The following SNTG1 variants were observed in gnomAD, a reference collection of about 807,000 sequenced individuals.
SNTG1 encodes syntrophin gamma 1.
A neutral mutation model predicts 74.7 loss-of-function variants in SNTG1; 39 were observed. That is an observed-to-expected ratio of 0.52 (90% confidence interval 0.40 to 0.68). The LOEUF is 0.68. Ranked by LOEUF, SNTG1 falls within the 30% of genes least tolerant of loss-of-function variation. The pLI, the probability that SNTG1 is intolerant of heterozygous loss-of-function variation, is 0.00. For missense variants in SNTG1, 685 were observed against 609.5 expected (o/e 1.12, Z -1.30); for synonymous variants, 254 against 217.1 (o/e 1.17, Z -1.49).
Position 50,727,605 on chromosome 8 carries a change from G to T in SNTG1, c.1284+18627G>T, listed in dbSNP as rs117987495. 3.8e-3 allele frequency among the ~76,000 whole-genome samples: 572 copies of T among 152,270 alleles called. 2 individuals are homozygous for T. Among genetic ancestry groups the T allele is most frequent in the Non-Finnish European group, 6.8e-3 (463 of 68,014 alleles). ...TCTGTAGAAAACAAGAGAAGGGTTA[G>T]TGAGATGATAAATAGCCCCTGCTGC... On this transcript the variant is annotated intron_variant, in intron 17 of 18. Coordinates refer to ENST00000642720, the MANE Select transcript of SNTG1 (RefSeq NM_018967.5).
chr8:50,286,690 G>C (rs2088805417), intron 2 of SNTG1: 1 of 152,096 alleles, frequency 6.6e-6, no homozygotes, highest in South Asian at 2.1e-4. Context: ...AATGTTAATT[G>C]CACTATGTTA....
In SNTG1 at chr8:50,402,655, A is replaced by G. The variant is rs558179128; in HGVS notation, c.162+311A>G. Among the ~76,000 whole-genome samples, 3 of 152,288 alleles carry G rather than the reference A, an allele frequency of 2.0e-5. No individual in the cohort carries two copies. The East Asian group carries it at 5.8e-4, about 29-fold the overall frequency. On this transcript the variant is annotated intron_variant, in intron 4 of 18. Transcript: ENST00000642720. ...ATAGAGAATTAATTGAGAACTGTGC[A>G]TGGTGATGGCTTTTGCTCTGGTCTT...
chr8:50,518,557 C>G (rs1326982057), intron 9 of SNTG1, among the ~76,000 whole-genome samples: 2 of 151,962 alleles, frequency 1.3e-5, no homozygotes, highest in Non-Finnish European at 2.9e-5. Context: ...AGACCACTAT[C>G]CAGACCAAGA....
At chr8:50,631,545 C>T (rs2131111964) in intron 13 of SNTG1, among the ~76,000 whole-genome samples, 1 of 152,234 alleles carries the variant, frequency 6.6e-6, no homozygotes, top group South Asian at 2.1e-4. Flanking sequence ...AACCAAAGGA[C>T]TTATTCAAGG....
chr8:50,603,884 G>A (rs1167451077), intron 13 of SNTG1, among the ~76,000 whole-genome samples: 1 of 152,132 alleles, frequency 6.6e-6, no homozygotes, highest in Non-Finnish European at 1.5e-5. Context: ...AGACCCCTGT[G>A]GCCACCATCA....
intron 4 of SNTG1, among the ~76,000 whole-genome samples, chr8:50,409,510 T>C (rs1241352802): frequency 6.6e-6 from 1 of 152,176 alleles, no homozygotes; most frequent in African/African-American, 2.4e-5. Context: ...TAGATGCAGA[T>C]AGTAAAGTGA....
At chr8:50,573,532 C>T (rs1302840057) in intron 12 of SNTG1, among the ~76,000 whole-genome samples, 1 of 151,804 alleles carries the variant, frequency 6.6e-6, no homozygotes, top group East Asian at 1.9e-4. Context: ...CCAAGGATTT[C>T]CTGAAAGTGA....
intron 1 of SNTG1, among the ~76,000 whole-genome samples, chr8:49,959,273 G>A (rs1207890940): frequency 4.6e-5 from 7 of 152,184 alleles, no homozygotes; most frequent in Admixed American, 2.0e-4. Flanking sequence ...CAAGAAGGCA[G>A]GACAAAAGGG....
At chr8:50,063,843 A>G (rs1234803734) in intron 1 of SNTG1, among the ~76,000 whole-genome samples, 3 of 152,222 alleles carry the variant, frequency 2.0e-5, no homozygotes, top group South Asian at 4.1e-4. Flanking sequence ...TGCTGAAAAT[A>G]TATGCCAAAG....
rs74832155 is a variant in SNTG1 at position 50,530,089 on chromosome 8, G to T, written c.467-88G>T. On this transcript the variant is annotated intron_variant, in intron 9 of 18. Transcript: ENST00000642720. ...AATATCTGATTTACTTGATATTACT[G>T]AGTATCCTTGAAAGTGTAATGGAAT... 4.6e-3 allele frequency: 4,793 copies of T among 1,035,196 alleles called. 154 individuals are homozygous for T. In the African/African-American group the frequency reaches 0.064, roughly 14 times the overall value. 64.1% of individuals were successfully genotyped at this position (1,035,196 alleles called of 1,614,324 possible).
chr8:49,981,938 T>G (rs1812715832), intron 1 of SNTG1, among the ~76,000 whole-genome samples: 1 of 152,110 alleles, frequency 6.6e-6, no homozygotes, highest in African/African-American at 2.4e-5. Flanking sequence ...TATTTTTTGT[T>G]GTTGTGGGTG....
chr8:49,964,853 A>C (rs1317236663), intron 1 of SNTG1, among the ~76,000 whole-genome samples: 1 of 152,220 alleles, frequency 6.6e-6, no homozygotes, highest in East Asian at 1.9e-4. Flanking sequence ...TTCTCAGTAT[A>C]ATTTTGAAGT....
chr8:50,448,259 T>C (rs1174409371), intron 5 of SNTG1, among the ~76,000 whole-genome samples: 2 of 152,146 alleles, frequency 1.3e-5, no homozygotes, highest in Non-Finnish European at 1.5e-5. Flanking sequence ...TTTCATTACC[T>C]TAATTATCAT....
intron 1 of SNTG1, among the ~76,000 whole-genome samples, chr8:50,007,249 TG>T (rs1815327538): frequency 6.6e-6 from 1 of 152,154 alleles, no homozygotes; most frequent in South Asian, 2.1e-4. Context: ...CACTGTTGCA[TG>T]GGATAATATG....
intron 12 of SNTG1, among the ~76,000 whole-genome samples, chr8:50,586,882 C>T (rs1416609576): frequency 6.6e-6 from 1 of 151,638 alleles, no homozygotes; most frequent in Non-Finnish European, 1.5e-5. Context: ...ATTTTATTTT[C>T]TAATGATAAA....
At chr8:50,647,370 A>C (rs1023934742) in intron 13 of SNTG1, among the ~76,000 whole-genome samples, 1 of 152,210 alleles carries the variant, frequency 6.6e-6, no homozygotes, top group Middle Eastern at 3.4e-3. Context: ...ACAATTAGAA[A>C]GGAAACATCC....
intron 15 of SNTG1, among the ~76,000 whole-genome samples, chr8:50,680,287 A>G (rs1485396255): frequency 6.6e-6 from 1 of 152,142 alleles, no homozygotes; most frequent in Non-Finnish European, 1.5e-5. Context: ...AATGAATAAG[A>G]TAGTATTATA....
At chr8:49,962,718 C>T (rs1810804838) in intron 1 of SNTG1, among the ~76,000 whole-genome samples, 1 of 152,166 alleles carries the variant, frequency 6.6e-6, no homozygotes, top group Admixed American at 6.5e-5. Flanking sequence ...CCTCAGCCTC[C>T]TGAGTAGCTG....
At chr8:50,715,609 G>T (rs745376837) in intron 17 of SNTG1, among the ~76,000 whole-genome samples, 2 of 152,050 alleles carry the variant, frequency 1.3e-5, no homozygotes, top group African/African-American at 4.8e-5. Flanking sequence ...ATTATATAAT[G>T]ATTTTATGGT....
Sources: allele counts gnomAD v4.1 joint callset (sites outside exome capture counted in the v4.1 genomes callset), GRCh38; gene constraint gnomAD v4.1.1; transcripts MANE v1.5; gene names NCBI Gene and HGNC (gene_info 2026-07-23, HGNC 2026-07-21).